The following PRSS23 variants were observed in gnomAD, a reference collection of about 807,000 sequenced individuals.
PRSS23 encodes protease, serine 23.
A neutral mutation model predicts 34.7 loss-of-function variants in PRSS23; 25 were observed. That is an observed-to-expected ratio of 0.72 (90% CI 0.53 to 1.01). The LOEUF (loss-of-function observed/expected upper bound fraction) is 1.01, where lower values mean the gene tolerates loss of function less well. Among genes scored for constraint, PRSS23 ranks in the 50% least tolerant of loss-of-function variants. The probability of loss-of-function intolerance (pLI) is 0.00; values close to 1 mark genes in which losing one functional copy is unlikely to be tolerated. For missense variants in PRSS23, 445 were observed against 475.6 expected (o/e 0.94, Z 0.60); for synonymous variants, 176 against 186.6 (o/e 0.94, Z 0.46).
intron 2 of PRSS23, among the ~76,000 whole-genome samples, chr11:86,927,742 C>A (rs1053339893): frequency 2.6e-5 from 4 of 152,108 alleles, no homozygotes; most frequent in Admixed American, 2.6e-4. Context: ...GAATACTAGG[C>A]CGGGCGTGGT....
rs12363204 is a variant in PRSS23 at position 86,878,955 on chromosome 11, C to T, written c.206+55362C>T. On this transcript the variant is annotated intron_variant, in intron 2 of 2. Coordinates refer to the PRSS23 transcript ENST00000533902. The stretch of plus-strand genomic sequence containing the variant: ...GAAGTGAGGAGCGTCTCTGCCCGGC[C>T]GCCATCCCGTCTAGGAAGTGAGGAG... 1.8e-3 allele frequency among the ~76,000 whole-genome samples: 77 copies of T among 43,574 alleles called. 1 individual carries two copies. The highest frequency in any genetic ancestry group is 0.011 in the African/African-American group (68 of 5,980). 28.6% of individuals were successfully genotyped at this position (43,574 alleles called of 152,430 possible).
At chr11:86,845,090 G>GAAA (rs199809989) in intron 2 of PRSS23, among the ~76,000 whole-genome samples, 46 of 118,904 alleles carry the variant, frequency 3.9e-4, no homozygotes, top group African/African-American at 1.3e-3. Flanking sequence ...CTCTGTCTCA[G>GAAA]AAAAAAAAAA....
chr11:86,943,136 G>A (rs982739127), intron 2 of PRSS23, among the ~76,000 whole-genome samples: 2 of 152,244 alleles, frequency 1.3e-5, no homozygotes, highest in African/African-American at 4.8e-5. Context: ...CAAGAGACCA[G>A]CCAAGACCAA....
At chr11:86,899,313 G>C (rs1162139522) in intron 2 of PRSS23, among the ~76,000 whole-genome samples, 1 of 152,132 alleles carries the variant, frequency 6.6e-6, no homozygotes, top group African/African-American at 2.4e-5. Flanking sequence ...AAGCTAAGGA[G>C]TTTGAGACCA....
At chr11:86,907,175 A>C (rs1445966545) in intron 2 of PRSS23, among the ~76,000 whole-genome samples, 1 of 152,210 alleles carries the variant, frequency 6.6e-6, no homozygotes, top group Non-Finnish European at 1.5e-5. Context: ...GTATATACGT[A>C]CATGTATATT....
At chr11:86,800,516 T>G (rs1367065125), upstream of PRSS23, 1 of 984,342 alleles carries the variant, frequency 1.0e-6, no homozygotes, top group African/African-American at 1.8e-5. Flanking sequence ...ACCCGCCAGC[T>G]GCCTGCGCTG....
At chr11:86,935,452 A>G (rs1949155108) in intron 2 of PRSS23, 1 of 152,206 alleles carries the variant, frequency 6.6e-6, no homozygotes, top group South Asian at 2.1e-4. Context: ...GATTCTTCCC[A>G]ACCCCAAAAG....
At chr11:86,901,226 A>T (rs996008509) in intron 2 of PRSS23, among the ~76,000 whole-genome samples, 1 of 152,130 alleles carries the variant, frequency 6.6e-6, no homozygotes, top group Non-Finnish European at 1.5e-5. Context: ...CTGACACCCT[A>T]CACCTGATGG....
chr11:86,930,186 T>A lies in PRSS23; in HGVS notation c.207-21030T>A, dbSNP rs556096865. ...AAAAACTGATATCAAGAAGTTCCTTTAAAAAAAAAAATGTGGGGTGGGAAG... is the reference window on the plus strand; with the variant it reads ...AAAAACTGATATCAAGAAGTTCCTTAAAAAAAAAAAATGTGGGGTGGGAAG... On this transcript the variant is annotated intron_variant, in intron 2 of 2. Coordinates refer to the PRSS23 transcript ENST00000533902. Among the ~76,000 whole-genome samples the A allele has an allele frequency of 2.7e-5, 4 of 150,312 alleles. No individual in the cohort carries two copies. The South Asian group carries it at 6.3e-4, about 24-fold the overall frequency.
At chr11:86,920,750 T>C (rs548595046) in intron 2 of PRSS23, among the ~76,000 whole-genome samples, 1 of 152,314 alleles carries the variant, frequency 6.6e-6, no homozygotes, top group African/African-American at 2.4e-5. Flanking sequence ...CTTCCCATTG[T>C]AGCCAAACTT....
chr11:86,833,210 C>A, intron 2 of PRSS23: 5 of 1,402,396 alleles, frequency 3.6e-6, no homozygotes, highest in Non-Finnish European at 5.0e-6. Flanking sequence ...GATTGGATGT[C>A]CACAATCATC....
chr11:86,952,517 G>A (rs1195030176), exon 3 of PRSS23: 1 of 1,598,990 alleles, frequency 6.3e-7, no homozygotes. Flanking sequence ...CAATGACTTG[G>A]AAGTTTGACC....
At chr11:86,887,045 T>C (rs1565377246) in intron 2 of PRSS23, among the ~76,000 whole-genome samples, 2 of 152,234 alleles carry the variant, frequency 1.3e-5, no homozygotes, top group Admixed American at 6.5e-5. Flanking sequence ...AGGTAGGAAC[T>C]ATTATTATCC....
chr11:86,894,202 G>T (rs1303187453), intron 2 of PRSS23, among the ~76,000 whole-genome samples: 2 of 152,080 alleles, frequency 1.3e-5, no homozygotes, highest in African/African-American at 2.4e-5. Flanking sequence ...TTGAGATGAG[G>T]TTTCACCATG....
intron 2 of PRSS23, among the ~76,000 whole-genome samples, chr11:86,826,196 G>A (rs1283292760): frequency 1.9e-4 from 29 of 151,600 alleles, no homozygotes; most frequent in East Asian, 1.2e-3. Context: ...GGTCCTTCAC[G>A]TCCCTTGTAA....
chr11:86,837,906 A>G (rs1948418901), intron 2 of PRSS23, among the ~76,000 whole-genome samples: 2 of 152,182 alleles, frequency 1.3e-5, no homozygotes, highest in Admixed American at 1.3e-4. Flanking sequence ...CAACTGAGGT[A>G]CCTGGTTCTT....
At chr11:86,840,018 G>T (rs758495737) in intron 2 of PRSS23, among the ~76,000 whole-genome samples, 4 of 151,788 alleles carry the variant, frequency 2.6e-5, no homozygotes, top group Non-Finnish European at 4.4e-5. Flanking sequence ...TAAAGACATC[G>T]ATGCTATGAA....
chr11:86,836,248 CTATTGCACGGT>C (rs1418197415), intron 2 of PRSS23, among the ~76,000 whole-genome samples: 3 of 152,112 alleles, frequency 2.0e-5, no homozygotes, highest in Non-Finnish European at 4.4e-5. Flanking sequence ...ATTGCAGGGG[CTATTGCACGGT>C]TTTACTAGGC....
At chr11:86,842,552 C>T (rs1413252581) in intron 2 of PRSS23, among the ~76,000 whole-genome samples, 1 of 152,204 alleles carries the variant, frequency 6.6e-6, no homozygotes, top group African/African-American at 2.4e-5. Flanking sequence ...CCCAAAATCT[C>T]CCTAAGCTGA....
Sources: gnomAD v4.1 joint callset for allele counts (sites outside exome capture counted in the v4.1 genomes callset) on GRCh38, gnomAD v4.1.1 for gene constraint, MANE v1.5 for transcripts, NCBI Gene and HGNC (gene_info 2026-07-23, HGNC 2026-07-21) for gene names.